Variants in UVRAG observed in about 807,000 individuals in gnomAD.
UVRAG encodes UV radiation resistance associated, also known as UV radiation resistance-associated gene protein.
Under a neutral mutation model 78.0 loss-of-function variants are expected in UVRAG, and 19 were observed. That is an observed-to-expected ratio of 0.24 (90% CI 0.17 to 0.36). The LOEUF (loss-of-function observed/expected upper bound fraction) is 0.36. UVRAG is among the 10% of genes least tolerant of loss of function. UVRAG has a pLI of 1.00. For synonymous variants in UVRAG, 323 were observed against 324.6 expected, an observed-to-expected ratio of 1.00 and a Z score of 0.05; for missense variants, 740 against 853.8, an observed-to-expected ratio of 0.87 and a Z score of 1.66.
intron 8 of UVRAG, among the ~76,000 whole-genome samples, chr11:75,995,009 T>G (rs1949677714): frequency 6.6e-6 from 1 of 152,188 alleles, no homozygotes; most frequent in African/African-American, 2.4e-5. Flanking sequence ...CAAAAAATTC[T>G]GAATTATACA....
chr11:76,079,568 G>A (rs1306497253), intron 13 of UVRAG, among the ~76,000 whole-genome samples: 1 of 152,076 alleles, frequency 6.6e-6, no homozygotes, highest in Non-Finnish European at 1.5e-5. Flanking sequence ...AAAATATTCA[G>A]AGATTTATGG....
At chr11:76,102,594 T>C (rs184461161) in intron 13 of UVRAG, among the ~76,000 whole-genome samples, 47 of 152,256 alleles carry the variant, frequency 3.1e-4, no homozygotes, top group Admixed American at 9.8e-4. Context: ...GGCCAGGACT[T>C]CCAATACTAT....
chr11:75,936,434 C>T (rs1288628419), intron 6 of UVRAG, among the ~76,000 whole-genome samples: 1 of 152,182 alleles, frequency 6.6e-6, no homozygotes, highest in African/African-American at 2.4e-5. Context: ...ATTAGTGTGA[C>T]ATTCCATTTA....
At chr11:75,832,234 T>C (rs12278257) in intron 1 of UVRAG, among the ~76,000 whole-genome samples, 25,712 of 152,092 alleles carry the variant, frequency 0.17, 3,109 homozygotes, top group African/African-American at 0.34. Context: ...TCAATTCTGA[T>C]GCTATTTACC....
rs960251731 is a variant in UVRAG at position 76,143,068 on chromosome 11, G to A, written c.*1655G>A. The A allele has an allele frequency of 6.6e-6, 1 of 152,238 alleles. No individual in the cohort carries two copies. The highest frequency in any genetic ancestry group is 1.5e-5 in the Non-Finnish European group (1 of 68,040). 9.4% of individuals were successfully genotyped at this position (152,238 alleles called of 1,614,324 possible). A position where few individuals can be genotyped will look rare whatever the true frequency, so the allele number is the denominator to read the frequency against. ...AAGAAGTGGGGCTCCTTCACCTAGA[G>A]CAGGAGCTTCTCTGCAGTGTACTGT... On this transcript the variant is annotated 3_prime_UTR_variant, in exon 15 of 15. Coordinates refer to ENST00000356136, the MANE Select transcript of UVRAG (RefSeq NM_003369.4).
At chr11:75,985,939 G>A (rs1949494050) in intron 8 of UVRAG, among the ~76,000 whole-genome samples, 1 of 151,906 alleles carries the variant, frequency 6.6e-6, no homozygotes, top group African/African-American at 2.4e-5. Context: ...TGTTATAATA[G>A]GTGTTGATAT....
chr11:76,056,683 A>G (rs1950990868), intron 12 of UVRAG, among the ~76,000 whole-genome samples: 1 of 152,206 alleles, frequency 6.6e-6, no homozygotes, highest in African/African-American at 2.4e-5. Context: ...ATAAAAACTT[A>G]GTTGATCATA....
chr11:75,993,910 G>C (rs761803919), intron 8 of UVRAG, among the ~76,000 whole-genome samples: 2 of 152,194 alleles, frequency 1.3e-5, no homozygotes, highest in South Asian at 2.1e-4. Flanking sequence ...TGGAAGTGAG[G>C]GGGGTGGGGA....
At chr11:75,932,120 T>C (rs1316054970) in intron 6 of UVRAG, among the ~76,000 whole-genome samples, 7 of 152,140 alleles carry the variant, frequency 4.6e-5, no homozygotes, top group Non-Finnish European at 1.0e-4. Flanking sequence ...GTATGGTGCT[T>C]GAAAATTCAA....
chr11:76,140,761 C>T lies in UVRAG; in HGVS notation c.1448C>T (p.Ser483Phe). 1 of 1,611,180 alleles carries T rather than the reference C, an allele frequency of 6.2e-7. No individual in the cohort carries two copies. Among genetic ancestry groups the T allele is most frequent in the Non-Finnish European group, 8.5e-7 (1 of 1,179,080 alleles). Residue 483 changes from serine (S) to phenylalanine (F), a missense_variant, in exon 15 of 15, where the codon TCC (serine) becomes TTC (phenylalanine). Physicochemically the swap from Ser to Phe is radical, Grantham distance 155. Transcript: ENST00000356136. ...SAIPVPKRQS[S>F]IFGGADVGFS... ...ATCCCTGTTCCTAAGAGACAAAGCT[C>T]CATATTTGGGGGTGCAGATGTAGGC...
chr11:76,087,188 G>A (rs1172012497), intron 13 of UVRAG, among the ~76,000 whole-genome samples: 2 of 152,198 alleles, frequency 1.3e-5, no homozygotes, highest in Non-Finnish European at 2.9e-5. Context: ...GCTTGTGAAT[G>A]TGTGTGTAGG....
intron 13 of UVRAG, among the ~76,000 whole-genome samples, chr11:76,080,103 C>G (rs1299772926): frequency 6.6e-6 from 1 of 152,080 alleles, no homozygotes; most frequent in Non-Finnish European, 1.5e-5. Flanking sequence ...TGGCATTAAT[C>G]CATTCATGAG....
intron 3 of UVRAG, among the ~76,000 whole-genome samples, chr11:75,868,100 G>A (rs1946573818): frequency 6.6e-6 from 1 of 152,316 alleles, no homozygotes; most frequent in Non-Finnish European, 1.5e-5. Context: ...TAAATAGAAT[G>A]GAGTAGACTG....
At chr11:75,962,674 A>G (rs1948932029) in intron 7 of UVRAG, among the ~76,000 whole-genome samples, 1 of 152,170 alleles carries the variant, frequency 6.6e-6, no homozygotes, top group Non-Finnish European at 1.5e-5. Context: ...CAGCAAGACT[A>G]AATTTCAGAC....
intron 14 of UVRAG, among the ~76,000 whole-genome samples, chr11:76,119,325 CTT>C (rs1952236290): frequency 6.6e-6 from 1 of 152,156 alleles, no homozygotes; most frequent in Admixed American, 6.5e-5. Context: ...TCTGTACTCT[CTT>C]CTCTTTTTTT....
At chr11:76,017,041 T>A in intron 12 of UVRAG, 61 bp downstream of exon 12, 1 of 1,243,916 alleles carries the variant, frequency 8.0e-7, no homozygotes, top group Non-Finnish European at 1.1e-6. Context: ...ACATGGGGTA[T>A]AACAAAATAC....
intron 6 of UVRAG, among the ~76,000 whole-genome samples, chr11:75,935,795 A>T (rs777329150): frequency 6.6e-6 from 1 of 152,190 alleles, no homozygotes; most frequent in Non-Finnish European, 1.5e-5. Flanking sequence ...ACAAATACGA[A>T]CATCCTTCTA....
At chr11:75,870,013 T>C (rs1946617428) in intron 3 of UVRAG, among the ~76,000 whole-genome samples, 1 of 152,322 alleles carries the variant, frequency 6.6e-6, no homozygotes, top group South Asian at 2.1e-4. Flanking sequence ...GGTCCCTGGA[T>C]GATATTAGTA....
intron 13 of UVRAG, among the ~76,000 whole-genome samples, chr11:76,072,812 A>G (rs776254603): frequency 8.5e-5 from 13 of 152,172 alleles, no homozygotes; most frequent in African/African-American, 3.1e-4. Flanking sequence ...GAGTGTGCCA[A>G]CTGTACAGAA....
Sources: gnomAD v4.1 joint callset for allele counts (sites outside exome capture counted in the v4.1 genomes callset) on GRCh38, gnomAD v4.1.1 for gene constraint, MANE v1.5 for transcripts, NCBI Gene and HGNC (gene_info 2026-07-23, HGNC 2026-07-21) for gene names.